Variants in MSRA observed in about 807,000 individuals in gnomAD.
The protein encoded by MSRA is methionine sulfoxide reductase A.
MSRA carries 54 observed loss-of-function variants against 31.3 expected under a neutral mutation model. That is an observed-to-expected ratio of 1.73 (90% CI 1.39 to 2.17). MSRA has a LOEUF of 2.17. Ranked by LOEUF, MSRA falls within the 30% of genes most tolerant of loss-of-function variation. The pLI, the probability that MSRA is intolerant of heterozygous loss-of-function variation, is 0.00. For synonymous variants in MSRA, 169 were observed against 116.5 expected, an observed-to-expected ratio of 1.45 and a Z score of -2.90; for missense variants, 507 against 300.9, an observed-to-expected ratio of 1.69 and a Z score of -5.07.
intron 2 of MSRA, among the ~76,000 whole-genome samples, chr8:10,210,576 A>G (rs919397519): frequency 1.3e-5 from 2 of 152,074 alleles, no homozygotes; most frequent in Non-Finnish European, 2.9e-5. Context: ...TTTCCATTTG[A>G]CCACAGTAGC....
chr8:10,208,886 G>A (rs928057641), intron 2 of MSRA, among the ~76,000 whole-genome samples: 3 of 152,212 alleles, frequency 2.0e-5, no homozygotes, highest in Non-Finnish European at 1.5e-5. Context: ...CTTGAATTGC[G>A]TTTGAACTGG....
chr8:10,318,962 C>T (rs1189924731), intron 4 of MSRA, among the ~76,000 whole-genome samples: 1 of 152,182 alleles, frequency 6.6e-6, no homozygotes, highest in East Asian at 1.9e-4. Flanking sequence ...GTTCTACCTT[C>T]ACCCTTGGCG....
chr8:10,216,493 G>A (rs1810003002), intron 2 of MSRA, among the ~76,000 whole-genome samples: 1 of 152,108 alleles, frequency 6.6e-6, no homozygotes, highest in Admixed American at 6.5e-5. Context: ...CCTTCACATT[G>A]TTTTGTACCC....
chr8:10,172,301 CCTTGGGAGGT>C, intron 1 of MSRA, among the ~76,000 whole-genome samples: 1 of 152,180 alleles, frequency 6.6e-6, no homozygotes, highest in Admixed American at 6.5e-5. Flanking sequence ...ATTTAGGAGG[CCTTGGGAGGT>C]GCTGATGGGG....
At position 10,178,217 on chromosome 8, in the gene MSRA, G is replaced by T. The variant is rs898589470; in HGVS notation, c.143-29616G>T. ...AGTGTGAAAATCAGGAGACCCAGGGGTGTATTCACTTCCTGATAGATTTCG... is the reference window on the plus strand; with the variant it reads ...AGTGTGAAAATCAGGAGACCCAGGGTTGTATTCACTTCCTGATAGATTTCG... On this transcript the variant is annotated intron_variant, in intron 1 of 5. Transcript: ENST00000317173. Among the ~76,000 whole-genome samples, 4 of 152,126 alleles carry T rather than the reference G, an allele frequency of 2.6e-5. No homozygotes were observed. The East Asian group carries it at 5.8e-4, about 22-fold the overall frequency.
intron 5 of MSRA, among the ~76,000 whole-genome samples, chr8:10,372,444 A>C (rs755021203): frequency 3.3e-5 from 5 of 152,172 alleles, no homozygotes; most frequent in Non-Finnish European, 5.9e-5. Flanking sequence ...ACTTTATTTT[A>C]TTTCCATTCA....
intron 5 of MSRA, among the ~76,000 whole-genome samples, chr8:10,423,567 G>A (rs139784492): frequency 1.3e-5 from 2 of 152,200 alleles, no homozygotes; most frequent in East Asian, 3.9e-4. Context: ...GACAGTCTTC[G>A]TCCCCTATCT....
At chr8:10,373,991 C>T (rs1411466850) in intron 5 of MSRA, among the ~76,000 whole-genome samples, 7 of 152,200 alleles carry the variant, frequency 4.6e-5, no homozygotes, top group African/African-American at 9.7e-5. Context: ...TGTCTCACTG[C>T]CATGCTCGCC....
rs1257040321 is a variant in MSRA, at chr8:10,428,324, A to T, written c.*12A>T. ...GTATTAAAAAATAATTTCTCCCCACATGGTGGGCCTTTGAGGTTCCAGTAA... is the reference window on the plus strand; with the variant it reads ...GTATTAAAAAATAATTTCTCCCCACTTGGTGGGCCTTTGAGGTTCCAGTAA... On this transcript the variant is annotated 3_prime_UTR_variant, in exon 6 of 6. Coordinates refer to ENST00000317173, the MANE Select transcript of MSRA (RefSeq NM_012331.5). 1.9e-6 allele frequency: 3 copies of T among 1,611,044 alleles called. No individual in the cohort carries two copies. Among genetic ancestry groups the T allele is most frequent in the African/African-American group, 1.3e-5 (1 of 74,918 alleles).
chr8:10,110,372 C>T (rs917709646), intron 1 of MSRA, among the ~76,000 whole-genome samples: 9 of 152,144 alleles, frequency 5.9e-5, no homozygotes, highest in Non-Finnish European at 1.2e-4. Flanking sequence ...CAGCCTCCCT[C>T]CCATTTTGTT....
At chr8:10,391,036 C>T (rs1806712076) in intron 5 of MSRA, among the ~76,000 whole-genome samples, 1 of 151,376 alleles carries the variant, frequency 6.6e-6, no homozygotes, top group Non-Finnish European at 1.5e-5. Context: ...GAGAAACCTA[C>T]CTATTCTCAA....
At chr8:10,406,953 C>T (rs1330759183) in intron 5 of MSRA, among the ~76,000 whole-genome samples, 3 of 152,248 alleles carry the variant, frequency 2.0e-5, no homozygotes, top group Admixed American at 6.5e-5. Flanking sequence ...TCTGGGCTCC[C>T]TGTGGCCTCA....
chr8:10,298,450 G>T (rs758551528), intron 3 of MSRA, among the ~76,000 whole-genome samples: 1 of 152,108 alleles, frequency 6.6e-6, no homozygotes, highest in Non-Finnish European at 1.5e-5. Flanking sequence ...GTGGAAAGGG[G>T]GTTGCCAGGG....
At chr8:10,068,214 T>C (rs1327091693) in intron 1 of MSRA, among the ~76,000 whole-genome samples, 1 of 152,158 alleles carries the variant, frequency 6.6e-6, no homozygotes, top group African/African-American at 2.4e-5. Flanking sequence ...TCTTTGTATA[T>C]TTTGGATATC....
intron 1 of MSRA, among the ~76,000 whole-genome samples, chr8:10,177,645 C>T (rs1806174496): frequency 1.3e-5 from 2 of 152,136 alleles, no homozygotes; most frequent in South Asian, 2.1e-4. Flanking sequence ...TGATGTATAC[C>T]ATTAAGGAAA....
chr8:10,207,987 T>G, intron 2 of MSRA, 86 bp downstream of exon 2: 1 of 1,045,826 alleles, frequency 9.6e-7, no homozygotes, highest in Non-Finnish European at 1.4e-6. Context: ...TTCTCAGGGC[T>G]TCAAAATCTG....
chr8:10,398,405 C>G (rs1423133526), intron 5 of MSRA, among the ~76,000 whole-genome samples: 1 of 152,240 alleles, frequency 6.6e-6, no homozygotes, highest in African/African-American at 2.4e-5. Context: ...GAGACCTTCT[C>G]TGAGGCCAGC....
Position 10,301,740 on chromosome 8 carries a change from G to A in MSRA, c.436+102G>A, listed in dbSNP as rs193156597. On this transcript the variant is annotated intron_variant, in intron 4 of 5. Transcript: ENST00000317173. ...AGAGATGAACCTTGAAATCACACAG[G>A]AGCTCAAGAATATGATTGCAGACAT... 44 of 900,542 alleles carry A rather than the reference G, an allele frequency of 4.9e-5. No homozygotes were observed. In the African/African-American group the frequency reaches 6.8e-4, roughly 14 times the overall value. The allele number at this position is 900,542 out of a possible 1,614,324, so 55.8% of individuals were successfully genotyped here. A position where few individuals can be genotyped will look rare whatever the true frequency, so the allele number is the denominator to read the frequency against.
At chr8:10,135,458 A>G (rs1337841476) in intron 1 of MSRA, among the ~76,000 whole-genome samples, 1 of 152,216 alleles carries the variant, frequency 6.6e-6, no homozygotes, top group African/African-American at 2.4e-5. Flanking sequence ...AAACAGTGGA[A>G]GTAAAGTTAC....
Sources: allele counts gnomAD v4.1 joint callset (sites outside exome capture counted in the v4.1 genomes callset), GRCh38; gene constraint gnomAD v4.1.1; transcripts MANE v1.5; gene names NCBI Gene and HGNC (gene_info 2026-07-23, HGNC 2026-07-21).